LMO7: variants seen among roughly 807,000 people sequenced by gnomAD.
LMO7 encodes the protein LIM domain 7.
LMO7 carries 120 observed loss-of-function variants against 206.5 expected under a neutral mutation model. That is an observed-to-expected ratio of 0.58 (90% CI 0.50 to 0.68). LMO7 has a LOEUF of 0.68. Ranked by LOEUF, LMO7 falls within the 30% of genes least tolerant of loss-of-function variation. LMO7 has a pLI of 0.00. For synonymous variants in LMO7, 706 were observed against 681.5 expected (o/e 1.04, Z -0.56); for missense variants, 1,959 against 1,957.9 (o/e 1.00, Z -0.01).
chr13:75,633,841 CTTTTTTTTTTT>C (rs60769000), upstream of LMO7, among the ~76,000 whole-genome samples: 3 of 64,672 alleles, frequency 4.6e-5, no homozygotes, highest in African/African-American at 2.0e-4. Flanking sequence ...GTGTCTTTTC[CTTTTTTTTTTT>C]TTTTTTTTTT....
intron 26 of LMO7, among the ~76,000 whole-genome samples, chr13:75,846,944 T>C (rs750294266): frequency 6.6e-6 from 1 of 151,246 alleles, no homozygotes; most frequent in Non-Finnish European, 1.5e-5. Context: ...GGCAGGAGAA[T>C]TGCTTGAACC....
chr13:75,645,959 T>A (rs1330656514), intron 1 of LMO7, among the ~76,000 whole-genome samples: 1 of 152,218 alleles, frequency 6.6e-6, no homozygotes, highest in African/African-American at 2.4e-5. Context: ...ATATTTACAT[T>A]CCTGACCCTG....
At chr13:75,826,469 G>T (rs1267183770) in intron 15 of LMO7, among the ~76,000 whole-genome samples, 3 of 152,136 alleles carry the variant, frequency 2.0e-5, no homozygotes, top group Non-Finnish European at 4.4e-5. Flanking sequence ...CTGATGCCAG[G>T]TTGGACTCAA....
intron 2 of LMO7, among the ~76,000 whole-genome samples, chr13:75,625,703 G>T (rs1019454948): frequency 2.0e-5 from 3 of 152,202 alleles, no homozygotes; most frequent in African/African-American, 7.2e-5. Flanking sequence ...GTCATGGATA[G>T]AACATTCCTA....
intron 1 of LMO7, among the ~76,000 whole-genome samples, chr13:75,663,620 C>T (rs972193748): frequency 2.6e-5 from 4 of 151,746 alleles, no homozygotes; most frequent in South Asian, 4.2e-4. Context: ...TCAGTAGAGA[C>T]GGGGTTTCAC....
intron 4 of LMO7, among the ~76,000 whole-genome samples, chr13:75,776,414 C>T (rs953131986): frequency 1.3e-5 from 2 of 151,050 alleles, no homozygotes; most frequent in African/African-American, 2.4e-5. Context: ...TTGACAATCT[C>T]GTGTTTGATC....
chr13:75,687,739 A>G (rs2041132125), intron 1 of LMO7, among the ~76,000 whole-genome samples: 1 of 152,236 alleles, frequency 6.6e-6, no homozygotes, highest in African/African-American at 2.4e-5. Flanking sequence ...AAGTAATTAA[A>G]GTGTTTGTAA....
intron 4 of LMO7, among the ~76,000 whole-genome samples, chr13:75,794,407 T>A (rs1247610620): frequency 6.6e-6 from 1 of 152,200 alleles, no homozygotes; most frequent in East Asian, 1.9e-4. Context: ...AGTTGCCTTG[T>A]TGATTCTTTG....
In LMO7 at chr13:75,771,095, A is replaced by G. The variant is rs572032091; in HGVS notation, c.317+10057A>G. On this transcript the variant is annotated intron_variant, in intron 4 of 30. Transcript: ENST00000377534. ...TTGTGTACATGATTGAGAATGCCTT[A>G]TTTGATATGTGGCAAATATCTTCAC... 3.9e-5 allele frequency among the ~76,000 whole-genome samples: 6 copies of G among 152,216 alleles called. No individual in the cohort carries two copies. The East Asian group carries it at 9.7e-4, about 24-fold the overall frequency.
chr13:75,776,938 A>G (rs1324943820), intron 4 of LMO7, among the ~76,000 whole-genome samples: 1 of 152,226 alleles, frequency 6.6e-6, no homozygotes, highest in Non-Finnish European at 1.5e-5. Context: ...AAATCAGAAT[A>G]CCAGAGCTGG....
At chr13:75,826,396 A>G (rs941002220) in intron 15 of LMO7, among the ~76,000 whole-genome samples, 2 of 152,082 alleles carry the variant, frequency 1.3e-5, no homozygotes, top group African/African-American at 4.8e-5. Flanking sequence ...CCCTTTTCCT[A>G]TCAGTGCAAA....
intron 11 of LMO7, among the ~76,000 whole-genome samples, chr13:75,811,988 T>C (rs1317684270): frequency 6.6e-6 from 1 of 152,196 alleles, no homozygotes; most frequent in Non-Finnish European, 1.5e-5. Flanking sequence ...TAAAGGCTTA[T>C]GACAGCAAAA....
Position 75,821,692 on chromosome 13 carries a change from C to G in LMO7, c.2640+83C>G, listed in dbSNP as rs1029549147. On this transcript the variant is annotated intron_variant, in intron 14 of 30. Coordinates refer to ENST00000377534, the MANE Select transcript of LMO7 (RefSeq NM_001306080.2). ...TGTGCAGAGGTTGGGGTTACATCAA[C>G]TTGATGTGTAAACTGTACATAACAT... 5 of 878,508 alleles carry G rather than the reference C, an allele frequency of 5.7e-6. No homozygotes were observed. In the African/African-American group the frequency reaches 6.8e-5, roughly 12 times the overall value. 54.4% of individuals were successfully genotyped at this position (878,508 alleles called of 1,614,324 possible).
chr13:75,833,287 T>A (rs1332200281), intron 16 of LMO7, 122 bp downstream of exon 16: 4 of 648,650 alleles, frequency 6.2e-6, no homozygotes, highest in Non-Finnish European at 1.1e-5. Flanking sequence ...AATGCAACCA[T>A]AAGGCCAGAA....
At chr13:75,747,500 C>T (rs755683910) in intron 3 of LMO7, among the ~76,000 whole-genome samples, 8 of 152,188 alleles carry the variant, frequency 5.3e-5, no homozygotes, top group Admixed American at 1.3e-4. Context: ...CTAGAAACTG[C>T]CAATCACATT....
intron 1 of LMO7, among the ~76,000 whole-genome samples, chr13:75,679,564 G>C (rs2040304335): frequency 6.6e-6 from 1 of 152,150 alleles, no homozygotes; most frequent in South Asian, 2.1e-4. Context: ...ACTGACCTAA[G>C]AATGGAGGCA....
intron 1 of LMO7, among the ~76,000 whole-genome samples, chr13:75,700,091 T>C (rs565761596): frequency 2.6e-5 from 4 of 152,358 alleles, no homozygotes; most frequent in East Asian, 1.9e-4. Flanking sequence ...TCAGGCCTTA[T>C]GGTTATCTCC....
intron 1 of LMO7, among the ~76,000 whole-genome samples, chr13:75,649,022 G>A (rs2037309607): frequency 6.6e-6 from 1 of 152,166 alleles, no homozygotes; most frequent in African/African-American, 2.4e-5. Context: ...ATGCGTGGGA[G>A]GTAACATGGA....
intron 12 of LMO7, chr13:75,819,164 G>T: frequency 2.6e-6 from 1 of 379,198 alleles, no homozygotes; most frequent in Non-Finnish European, 4.7e-6. Context: ...ATACTTTCTG[G>T]GAAAACAAAA....
Sources: gnomAD v4.1 joint callset for allele counts (sites outside exome capture counted in the v4.1 genomes callset) on GRCh38, gnomAD v4.1.1 for gene constraint, MANE v1.5 for transcripts, NCBI Gene and HGNC (gene_info 2026-07-23, HGNC 2026-07-21) for gene names.